The following GALNT14 variants were observed in gnomAD, a reference collection of about 807,000 sequenced individuals.
GALNT14 encodes polypeptide N-acetylgalactosaminyltransferase 14.
In GALNT14, 60 loss-of-function variants were observed where a neutral mutation model predicts 77.5. That is an observed-to-expected ratio of 0.77 (90% CI 0.63 to 0.96). GALNT14 has a LOEUF of 0.96. Ranked by LOEUF, GALNT14 falls within the 40% of genes least tolerant of loss-of-function variation. GALNT14 has a pLI of 0.00. For missense variants in GALNT14, 710 were observed against 731.0 expected, an observed-to-expected ratio of 0.97 and a Z score of 0.33; for synonymous variants, 280 against 281.7, an observed-to-expected ratio of 0.99 and a Z score of 0.06.
At chr2:30,984,568 TCTC>T (rs1321788162) in intron 2 of GALNT14, among the ~76,000 whole-genome samples, 2 of 152,142 alleles carry the variant, frequency 1.3e-5, no homozygotes, top group African/African-American at 4.8e-5. Flanking sequence ...TCCAGAGTAT[TCTC>T]CTCCATTCCT....
intron 2 of GALNT14, among the ~76,000 whole-genome samples, chr2:30,980,910 C>T (rs898269647): frequency 3.3e-5 from 5 of 152,208 alleles, no homozygotes; most frequent in South Asian, 4.1e-4. Context: ...GGCAAAACCC[C>T]GTCTCTACTA....
chr2:31,059,596 C>T (rs1674457520), intron 1 of GALNT14, among the ~76,000 whole-genome samples: 1 of 152,214 alleles, frequency 6.6e-6, no homozygotes, highest in East Asian at 1.9e-4. Flanking sequence ...GTCCCAGCTA[C>T]TTGAGAGGCT....
At chr2:31,080,526 G>C (rs144441254) in intron 1 of GALNT14, among the ~76,000 whole-genome samples, 2 of 152,334 alleles carry the variant, frequency 1.3e-5, no homozygotes, top group Non-Finnish European at 2.9e-5. Flanking sequence ...GTAATAGTTA[G>C]ATGTTTGTAT....
At chr2:30,912,456 C>T (rs958869876) in intron 13 of GALNT14, 114 bp from the exon 14 acceptor site, 3 of 1,181,224 alleles carry the variant, frequency 2.5e-6, no homozygotes, top group South Asian at 3.0e-5. Context: ...CACCAAGGGT[C>T]CCAGTAGGCA....
At chr2:31,055,894 C>T (rs1182402170) in intron 1 of GALNT14, among the ~76,000 whole-genome samples, 1 of 152,246 alleles carries the variant, frequency 6.6e-6, no homozygotes, top group Non-Finnish European at 1.5e-5. Flanking sequence ...AAGAAGAGAC[C>T]TAGACAGCGC....
At chr2:31,103,952 T>C (rs1677424341) in intron 1 of GALNT14, among the ~76,000 whole-genome samples, 1 of 152,248 alleles carries the variant, frequency 6.6e-6, no homozygotes, top group Admixed American at 6.5e-5. Flanking sequence ...AGTTATTGCA[T>C]GTCCAAAAAT....
rs202140745 is a variant in GALNT14, at chr2:31,046,367, C to T, written c.130-53360G>A. On this transcript the variant is annotated intron_variant, in intron 1 of 14. Coordinates refer to ENST00000349752, the MANE Select transcript of GALNT14 (RefSeq NM_024572.4). ...TCAGCCTCCCAAGTAGCTGGGATTACAGGTGCGTGCCACCACGCCCAGCTA... is the reference window on the plus strand; with the variant it reads ...TCAGCCTCCCAAGTAGCTGGGATTATAGGTGCGTGCCACCACGCCCAGCTA... 3.3e-5 allele frequency among the ~76,000 whole-genome samples: 5 copies of T among 152,146 alleles called. No individual in the cohort carries two copies. The East Asian group carries it at 5.8e-4, about 18-fold the overall frequency.
chr2:31,004,683 G>T (rs1573137812), intron 1 of GALNT14, among the ~76,000 whole-genome samples: 1 of 152,304 alleles, frequency 6.6e-6, no homozygotes, highest in East Asian at 1.9e-4. Context: ...GGCCGAGTCA[G>T]ATGCCCACCC....
At position 31,113,065 on chromosome 2, in the gene GALNT14, G is replaced by T. The variant is rs565281449; in HGVS notation, c.129+24893C>A. Among the ~76,000 whole-genome samples, 5 of 152,260 alleles carry T rather than the reference G, an allele frequency of 3.3e-5. No individual in the cohort carries two copies. The East Asian group carries it at 9.6e-4, about 29-fold the overall frequency. Reference sequence around the variant, plus strand: ...ACTGTGGCAGGATAGAGAAGTAAATGCAAGATAGAAACCTTCTCATTTTCC... The same window carrying T: ...ACTGTGGCAGGATAGAGAAGTAAATTCAAGATAGAAACCTTCTCATTTTCC... On this transcript the variant is annotated intron_variant, in intron 1 of 14. Transcript: ENST00000349752.
chr2:31,110,005 G>A (rs75151059), intron 1 of GALNT14, among the ~76,000 whole-genome samples: 3,352 of 152,242 alleles, frequency 0.022, 128 homozygotes, highest in African/African-American at 0.077. Flanking sequence ...ACTCTCTGCT[G>A]ACATCATTTT....
chr2:31,073,879 T>C (rs995047953), intron 1 of GALNT14, among the ~76,000 whole-genome samples: 1 of 152,184 alleles, frequency 6.6e-6, no homozygotes, highest in Non-Finnish European at 1.5e-5. Context: ...TGAGAGAAGA[T>C]GGTGGCAGCT....
At chr2:30,996,141 C>A (rs951289847) in intron 1 of GALNT14, among the ~76,000 whole-genome samples, 3 of 152,108 alleles carry the variant, frequency 2.0e-5, no homozygotes, top group African/African-American at 2.4e-5. Context: ...GTAGACACAC[C>A]CAGAATAACA....
intron 8 of GALNT14, among the ~76,000 whole-genome samples, chr2:30,943,387 G>A (rs1288614981): frequency 1.3e-5 from 2 of 152,120 alleles, no homozygotes; most frequent in Non-Finnish European, 2.9e-5. Flanking sequence ...GGATCCAGAG[G>A]GTGAAGGGAG....
At chr2:31,032,694 A>C (rs1482736150) in intron 1 of GALNT14, among the ~76,000 whole-genome samples, 1 of 152,144 alleles carries the variant, frequency 6.6e-6, no homozygotes, top group Non-Finnish European at 1.5e-5. Context: ...CCAGCACAGG[A>C]AGTCCCTCCT....
chr2:30,961,549 A>G (rs1024023450), intron 3 of GALNT14, among the ~76,000 whole-genome samples: 1 of 152,178 alleles, frequency 6.6e-6, no homozygotes, highest in Non-Finnish European at 1.5e-5. Flanking sequence ...GATATTAATA[A>G]TATTGAAGCT....
In GALNT14 at chr2:30,912,268, G is replaced by A. The variant is rs377741520; in HGVS notation, c.1455C>T (p.Gly485=). ...TGCAAAGGACAAGAACCACTGGGGC[G>A]CCAGGGAACAAGGTGATGACTGACA... is the stretch of plus-strand genomic sequence containing the variant. The part of the protein sequence containing the change: ...LCLSVITLFP[G]APVVLVLCKN... The change falls in exon 14 of 15, where the codon GGC becomes GGT. Residue 485 remains glycine (G), a synonymous_variant. Coordinates refer to ENST00000349752, the MANE Select transcript of GALNT14 (RefSeq NM_024572.4). 5.1e-5 allele frequency: 82 copies of A among 1,614,040 alleles called. No individual in the cohort carries two copies. The highest frequency in any genetic ancestry group is 4.9e-4 in the Middle Eastern group (3 of 6,082).
intron 1 of GALNT14, among the ~76,000 whole-genome samples, chr2:31,102,303 C>G (rs1331651666): frequency 6.6e-6 from 1 of 152,106 alleles, no homozygotes; most frequent in Non-Finnish European, 1.5e-5. Flanking sequence ...CAGTTTTCCT[C>G]TGAGTACTGC....
intron 10 of GALNT14, among the ~76,000 whole-genome samples, chr2:30,931,181 T>C (rs1665705055): frequency 1.3e-5 from 2 of 152,130 alleles, no homozygotes; most frequent in South Asian, 4.1e-4. Context: ...AATTTTCCCA[T>C]TGCTCAAACC....
chr2:31,108,956 A>C (rs1677700769), intron 1 of GALNT14, among the ~76,000 whole-genome samples: 1 of 152,222 alleles, frequency 6.6e-6, no homozygotes. Flanking sequence ...TGAGAAAGTA[A>C]CTTCCTCTCC....
Sources: gnomAD v4.1 joint callset for allele counts (sites outside exome capture counted in the v4.1 genomes callset) on GRCh38, gnomAD v4.1.1 for gene constraint, MANE v1.5 for transcripts, NCBI Gene and HGNC (gene_info 2026-07-23, HGNC 2026-07-21) for gene names.